The following VAV3 variants were observed in gnomAD, a reference collection of about 807,000 sequenced individuals.
VAV3 encodes the protein guanine nucleotide exchange factor VAV3.
Under a neutral mutation model 131.2 loss-of-function variants are expected in VAV3, and 94 were observed. The ratio of observed to expected loss-of-function variants is 0.72; its 90% confidence interval spans 0.61 to 0.85. The LOEUF (loss-of-function observed/expected upper bound fraction) is 0.85, where lower values mean the gene tolerates loss of function less well. VAV3 is among the 40% of genes least tolerant of loss of function. The probability of loss-of-function intolerance (pLI) is 0.00; values close to 1 mark genes in which losing one functional copy is unlikely to be tolerated. For synonymous variants in VAV3, 349 were observed against 342.0 expected, an observed-to-expected ratio of 1.02 and a Z score of -0.22; for missense variants, 939 against 1,002.7, an observed-to-expected ratio of 0.94 and a Z score of 0.86.
chr1:107,859,997 A>G (rs1391938469), intron 2 of VAV3, among the ~76,000 whole-genome samples: 1 of 152,220 alleles, frequency 6.6e-6, no homozygotes, highest in African/African-American at 2.4e-5. Context: ...TGACGGCTGT[A>G]CCATTTGAAG....
At chr1:107,877,521 A>G (rs578014105) in intron 1 of VAV3, among the ~76,000 whole-genome samples, 8 of 152,268 alleles carry the variant, frequency 5.3e-5, no homozygotes, top group Admixed American at 4.6e-4. Flanking sequence ...AAACAATATG[A>G]AATATTGCAT....
chr1:107,639,937 A>T (rs1368484769), intron 20 of VAV3, among the ~76,000 whole-genome samples: 7 of 76,030 alleles, frequency 9.2e-5, no homozygotes, highest in Non-Finnish European at 1.3e-4. Flanking sequence ...CCCTGTATTT[A>T]AAAAAAAAAA....
At chr1:107,896,432 C>T (rs1234316466) in intron 1 of VAV3, among the ~76,000 whole-genome samples, 2 of 151,984 alleles carry the variant, frequency 1.3e-5, no homozygotes, top group Non-Finnish European at 2.9e-5. Flanking sequence ...TAAAATGCCA[C>T]GTACATTCTC....
rs1039108069 is a variant in VAV3 at position 107,964,987 on chromosome 1, G to C, written c.-118C>G. The C allele has an allele frequency of 2.2e-6, 2 of 904,058 alleles. No individual in the cohort carries two copies. The highest frequency in any genetic ancestry group is 2.8e-6 in the Non-Finnish European group (2 of 715,608). 56.0% of individuals were successfully genotyped at this position (904,058 alleles called of 1,614,324 possible). A position where few individuals can be genotyped will look rare whatever the true frequency, so the allele number is the denominator to read the frequency against. On this transcript the variant is annotated 5_prime_UTR_variant, in exon 1 of 27. Transcript: ENST00000370056. ...GCCAACAGCCGCCGGCCCTTTCCCC[G>C]CGCGGGATCGAGGGAGCAGGAGCCG...
At chr1:107,882,214 C>T (rs1478786500) in intron 1 of VAV3, among the ~76,000 whole-genome samples, 3 of 152,088 alleles carry the variant, frequency 2.0e-5, no homozygotes, top group Admixed American at 6.6e-5. Context: ...GACCTTCACA[C>T]AATGTAGATT....
At chr1:107,873,798 T>C (rs423488) in intron 2 of VAV3, among the ~76,000 whole-genome samples, 131,233 of 152,050 alleles carry the variant, frequency 0.86, 56,951 homozygotes, top group African/African-American at 0.95. Context: ...GCCTGATGCC[T>C]GAGAAGGCTG....
At chr1:107,934,575 T>C (rs528173548) in intron 1 of VAV3, among the ~76,000 whole-genome samples, 268 of 152,334 alleles carry the variant, frequency 1.8e-3, no homozygotes, top group Non-Finnish European at 3.3e-3. Flanking sequence ...GAACGGCTCC[T>C]ATGAAAAGTA....
At chr1:107,617,690 CA>C in intron 20 of VAV3, 58 bp from the exon 21 acceptor site, 1 of 1,457,248 alleles carries the variant, frequency 6.9e-7, no homozygotes, top group Non-Finnish European at 9.6e-7. Flanking sequence ...ATGATAACCC[CA>C]TGATGCCCCA....
intron 2 of VAV3, among the ~76,000 whole-genome samples, chr1:107,832,693 C>T (rs1001487664): frequency 2.9e-4 from 44 of 152,152 alleles, no homozygotes; most frequent in African/African-American, 1.0e-3. Context: ...CTTGTGTCTA[C>T]CTTGCAATTA....
intron 1 of VAV3, among the ~76,000 whole-genome samples, chr1:107,900,180 C>T (rs1398356091): frequency 3.3e-5 from 5 of 152,094 alleles, no homozygotes; most frequent in Non-Finnish European, 7.3e-5. Context: ...AATACATTTG[C>T]TACATAGACT....
chr1:107,602,562 CA>C (rs935871971), intron 23 of VAV3, 78 bp from the exon 24 acceptor site: 1 of 1,136,106 alleles, frequency 8.8e-7, no homozygotes, highest in African/African-American at 1.7e-5. Context: ...GGGCATGCCC[CA>C]ATAACATTTT....
At chr1:107,835,489 T>C (rs1247714199) in intron 2 of VAV3, among the ~76,000 whole-genome samples, 1 of 152,156 alleles carries the variant, frequency 6.6e-6, no homozygotes, top group Admixed American at 6.5e-5. Context: ...GTGTGAGAGC[T>C]GGGCATGCCT....
At chr1:107,791,061 C>T (rs913030545) in intron 2 of VAV3, among the ~76,000 whole-genome samples, 2 of 152,040 alleles carry the variant, frequency 1.3e-5, no homozygotes, top group Admixed American at 1.3e-4. Context: ...TTCTATACAT[C>T]GATAGTCTCA....
At chr1:107,624,176 G>A (rs1266418064) in intron 20 of VAV3, among the ~76,000 whole-genome samples, 1 of 152,142 alleles carries the variant, frequency 6.6e-6, no homozygotes, top group African/African-American at 2.4e-5. Context: ...GCCATAAGCT[G>A]TAGATTTGAG....
At chr1:107,728,612 T>TATACGTATAC (rs1662010620) in intron 15 of VAV3, among the ~76,000 whole-genome samples, 1 of 90,518 alleles carries the variant, frequency 1.1e-5, no homozygotes, top group African/African-American at 3.5e-5. Flanking sequence ...TATATGTATA[T>TATACGTATAC]GTATATGTAT....
rs76031374 is a variant in VAV3 at position 107,879,627 on chromosome 1, C to T, written c.205-4610G>A. Among the ~76,000 whole-genome samples the T allele has an allele frequency of 4.1e-3, 628 of 152,020 alleles. 5 individuals are homozygous for T. Among genetic ancestry groups the T allele is most frequent in the African/African-American group, 0.014 (590 of 41,466 alleles). ...TAGACCTTTGAATCATCTGAAGCAGCTTCAAATATACTGCCTTCAGAGATA... is the reference window on the plus strand; with the variant it reads ...TAGACCTTTGAATCATCTGAAGCAGTTTCAAATATACTGCCTTCAGAGATA... On this transcript the variant is annotated intron_variant, in intron 1 of 26. Coordinates refer to ENST00000370056, the MANE Select transcript of VAV3 (RefSeq NM_006113.5).
chr1:107,817,750 G>A (rs996650719), intron 2 of VAV3, among the ~76,000 whole-genome samples: 19 of 152,090 alleles, frequency 1.2e-4, no homozygotes, highest in African/African-American at 4.6e-4. Context: ...AACCAGACAG[G>A]ACCACATCAG....
intron 17 of VAV3, among the ~76,000 whole-genome samples, chr1:107,700,009 G>A (rs1055212654): frequency 1.8e-4 from 28 of 152,182 alleles, no homozygotes; most frequent in Non-Finnish European, 1.2e-4. Context: ...TCCACCTTCA[G>A]TTCTTTGAAA....
chr1:107,699,551 A>C (rs1339791207), intron 17 of VAV3, among the ~76,000 whole-genome samples: 1 of 152,142 alleles, frequency 6.6e-6, no homozygotes, highest in Non-Finnish European at 1.5e-5. Flanking sequence ...TCACAGCTCC[A>C]CTAGGCAGTG....
Sources: allele counts gnomAD v4.1 joint callset (sites outside exome capture counted in the v4.1 genomes callset), GRCh38; gene constraint gnomAD v4.1.1; transcripts MANE v1.5; gene names NCBI Gene and HGNC (gene_info 2026-07-23, HGNC 2026-07-21).